The following RUNDC3B variants were observed in gnomAD, a reference collection of about 807,000 sequenced individuals.
RUNDC3B encodes RUN domain-containing protein 3B.
Under a neutral mutation model 58.4 loss-of-function variants are expected in RUNDC3B, and 33 were observed. The ratio of observed to expected loss-of-function variants is 0.56; its 90% CI spans 0.43 to 0.75. The LOEUF (loss-of-function observed/expected upper bound fraction) is 0.75. Ranked by LOEUF, RUNDC3B falls within the 30% of genes least tolerant of loss-of-function variation. The pLI, the probability that RUNDC3B is intolerant of heterozygous loss-of-function variation, is 0.00. For synonymous variants in RUNDC3B, 193 were observed against 195.2 expected, an observed-to-expected ratio of 0.99 and a Z score of 0.10; for missense variants, 501 against 535.7, an observed-to-expected ratio of 0.94 and a Z score of 0.64.
At chr7:87,771,112 T>C (rs1443275493) in intron 7 of RUNDC3B, among the ~76,000 whole-genome samples, 1 of 152,184 alleles carries the variant, frequency 6.6e-6, no homozygotes, top group Non-Finnish European at 1.5e-5. Context: ...TTTTAGCAGC[T>C]CTTGTGTGTT....
chr7:87,828,135 G>T (rs924315701), intron 10 of RUNDC3B, among the ~76,000 whole-genome samples: 3 of 152,114 alleles, frequency 2.0e-5, no homozygotes, highest in Admixed American at 6.6e-5. Context: ...CAAACAACTT[G>T]TGGGTAACAG....
At chr7:87,717,349 G>T (rs911239311) in intron 4 of RUNDC3B, among the ~76,000 whole-genome samples, 2 of 149,492 alleles carry the variant, frequency 1.3e-5, no homozygotes, top group African/African-American at 5.0e-5. Flanking sequence ...AAAAATAAAG[G>T]AACAATAAAG....
chr7:87,646,732 G>C (rs535320880), intron 1 of RUNDC3B, among the ~76,000 whole-genome samples: 4 of 152,000 alleles, frequency 2.6e-5, no homozygotes, highest in Non-Finnish European at 4.4e-5. Context: ...CTTATTAAAA[G>C]TTTGCCAGGG....
chr7:87,747,158 C>T (rs190083139), intron 6 of RUNDC3B, among the ~76,000 whole-genome samples: 1 of 152,256 alleles, frequency 6.6e-6, no homozygotes, highest in Non-Finnish European at 1.5e-5. Context: ...TTTTGTCCCA[C>T]GGGGTGTTCC....
intron 6 of RUNDC3B, among the ~76,000 whole-genome samples, chr7:87,745,037 A>G (rs1215818438): frequency 6.6e-6 from 1 of 152,038 alleles, no homozygotes; most frequent in Non-Finnish European, 1.5e-5. Flanking sequence ...GATGTGCTGG[A>G]TTTTATTGAA....
intron 2 of RUNDC3B, among the ~76,000 whole-genome samples, chr7:87,679,087 C>CTTT (rs35353390): frequency 1.6e-5 from 1 of 60,744 alleles, no homozygotes; most frequent in African/African-American, 7.2e-5. Context: ...AACACCCCAA[C>CTTT]TTTTTTTTTT....
At chr7:87,684,960 T>C (rs1827313997) in intron 2 of RUNDC3B, among the ~76,000 whole-genome samples, 1 of 152,010 alleles carries the variant, frequency 6.6e-6, no homozygotes, top group Non-Finnish European at 1.5e-5. Context: ...TCAAGGTGGG[T>C]TATAGGTGTA....
intron 4 of RUNDC3B, among the ~76,000 whole-genome samples, chr7:87,734,030 T>C (rs1361276813): frequency 1.3e-5 from 2 of 152,172 alleles, no homozygotes; most frequent in African/African-American, 4.8e-5. Flanking sequence ...AGATGGCTAA[T>C]AAACACTAAA....
chr7:87,634,715 T>G (rs1423507678), intron 1 of RUNDC3B, among the ~76,000 whole-genome samples: 2 of 152,204 alleles, frequency 1.3e-5, no homozygotes, highest in Non-Finnish European at 2.9e-5. Context: ...GTATGCCTCA[T>G]AAGACTGTTC....
chr7:87,805,232 C>A (rs534323528), intron 8 of RUNDC3B, among the ~76,000 whole-genome samples: 2 of 152,192 alleles, frequency 1.3e-5, no homozygotes, highest in South Asian at 4.1e-4. Context: ...AGTCAAGATT[C>A]AAAAATACAA....
intron 8 of RUNDC3B, among the ~76,000 whole-genome samples, chr7:87,800,167 A>G (rs949069834): frequency 5.3e-5 from 8 of 152,204 alleles, no homozygotes; most frequent in African/African-American, 1.9e-4. Flanking sequence ...ATAAATGTCC[A>G]ACAGCTGAAA....
intron 8 of RUNDC3B, among the ~76,000 whole-genome samples, chr7:87,781,219 A>G (rs530481882): frequency 6.6e-6 from 1 of 152,076 alleles, no homozygotes; most frequent in Admixed American, 6.5e-5. Context: ...GTTTAGATGT[A>G]TTCTCAGGTA....
intron 2 of RUNDC3B, among the ~76,000 whole-genome samples, chr7:87,653,723 C>T (rs1823806657): frequency 1.3e-5 from 2 of 151,752 alleles, no homozygotes; most frequent in Admixed American, 1.3e-4. Context: ...ATCCTTTTCC[C>T]AAGTTCCCTC....
intron 10 of RUNDC3B, among the ~76,000 whole-genome samples, chr7:87,828,368 C>T (rs564439290): frequency 8.2e-4 from 125 of 152,196 alleles, no homozygotes; most frequent in African/African-American, 3.0e-3. Context: ...ACCCTTGCCC[C>T]CCACCACACC....
At chr7:87,704,307 G>C (rs749469028) in intron 3 of RUNDC3B, among the ~76,000 whole-genome samples, 4 of 152,068 alleles carry the variant, frequency 2.6e-5, no homozygotes, top group Non-Finnish European at 5.9e-5. Context: ...TTAAAGATTA[G>C]CTGTAATTTG....
At position 87,729,674 on chromosome 7, in the gene RUNDC3B, G is replaced by A. The variant is rs191147160; in HGVS notation, c.459-10117G>A. Among the ~76,000 whole-genome samples, 238 of 152,328 alleles carry A rather than the reference G, an allele frequency of 1.6e-3. 1 individual carries two copies. Among genetic ancestry groups the A allele is most frequent in the African/African-American group, 5.7e-3 (235 of 41,570 alleles). ...CAAAGAGACTTCAATTCCTGGACAA[G>A]TCCTGGTGATGTGCTGGGCTTGAAG... On this transcript the variant is annotated intron_variant, in intron 4 of 10. Coordinates refer to ENST00000394654, the MANE Select transcript of RUNDC3B (RefSeq NM_001134405.2).
At position 87,796,659 on chromosome 7, in the gene RUNDC3B, G is replaced by A. The variant is rs570260509; in HGVS notation, c.957-10714G>A. 2.6e-5 allele frequency among the ~76,000 whole-genome samples: 4 copies of A among 152,170 alleles called. No individual in the cohort carries two copies. In the South Asian group the frequency reaches 6.2e-4, roughly 24 times the overall value. ...AGGCAGTGGGCAAATTTTTCAATGT[G>A]CTAAAAGAAAAAAACTGTCAACCAT... On this transcript the variant is annotated intron_variant, in intron 8 of 10. Coordinates refer to ENST00000394654, the MANE Select transcript of RUNDC3B (RefSeq NM_001134405.2).
At chr7:87,720,540 A>ATGTGTGTG (rs907929154) in intron 4 of RUNDC3B, among the ~76,000 whole-genome samples, 4 of 100,770 alleles carry the variant, frequency 4.0e-5, no homozygotes, top group African/African-American at 7.0e-5. Flanking sequence ...AAGATAGGAT[A>ATGTGTGTG]TATGTGTGTG....
chr7:87,721,990 T>C (rs1304772040), intron 4 of RUNDC3B, among the ~76,000 whole-genome samples: 4 of 152,078 alleles, frequency 2.6e-5, no homozygotes, highest in African/African-American at 7.2e-5. Context: ...ATTAAGAAAC[T>C]CTCATTTTTA....
Sources: allele counts gnomAD v4.1 joint callset (sites outside exome capture counted in the v4.1 genomes callset), GRCh38; gene constraint gnomAD v4.1.1; transcripts MANE v1.5; gene names NCBI Gene and HGNC (gene_info 2026-07-23, HGNC 2026-07-21).